The following OR5H15 variants were observed in gnomAD, a reference collection of about 807,000 sequenced individuals.
OR5H15 encodes the protein olfactory receptor 5H15.
For synonymous variants in OR5H15, 153 were observed against 129.1 expected, an observed-to-expected ratio of 1.19 and a Z score of -1.26; for missense variants, 405 against 366.1, an observed-to-expected ratio of 1.11 and a Z score of -0.87.
rs76782258 is a variant in OR5H15 at position 98,167,403 on chromosome 3, T to G, written c.-19+572T>G. Among the ~76,000 whole-genome samples the G allele has an allele frequency of 2.8e-3, 431 of 151,568 alleles. 1 individual carries two copies. Among genetic ancestry groups the G allele is most frequent in the African/African-American group, 9.9e-3 (410 of 41,308 alleles). On this transcript the variant is annotated intron_variant, in intron 1 of 1. Transcript: ENST00000641450. ...TCTCTCTCTCTCTCTCTCTCCATAT[T>G]CCAAATGTAGGATCAGTGTGTTTCA...
At position 98,169,197 on chromosome 3, in the gene OR5H15, A is replaced by G. The variant is rs1473384004; in HGVS notation, c.498A>G (p.Leu166=). The G allele has an allele frequency of 4.3e-6, 7 of 1,612,876 alleles. No homozygotes were observed. Among genetic ancestry groups the G allele is most frequent in the Non-Finnish European group, 5.9e-6 (7 of 1,179,450 alleles). ...TCCATGAAGGATTTTTATTCAGACT[A>G]ACCTTCTGTAACTCCAACATAGTAC... The part of the protein sequence containing the change: ...ALIHEGFLFR[L]TFCNSNIVHH... The change falls in exon 2 of 2, where the codon CTA becomes CTG. Residue 166 remains leucine (L), a synonymous_variant. Transcript: ENST00000641450.
intron 1 of OR5H15, 140 bp from the exon 2 acceptor site, chr3:98,168,542 C>A: frequency 1.0e-5 from 9 of 901,710 alleles, no homozygotes; most frequent in Non-Finnish European, 1.3e-5. Context: ...GCATCAAATA[C>A]ACAATTCATC....
In OR5H15 at chr3:98,168,810, C is replaced by T. The variant is rs200177495; in HGVS notation, c.111C>T (p.Ile37=). 18 of 1,613,534 alleles carry T rather than the reference C, an allele frequency of 1.1e-5. 1 individual carries two copies. In the African/African-American group the frequency reaches 1.2e-4, roughly 11 times the overall value. ...LFLAFLVIYL[I]TIMGNLGLIA... The stretch of plus-strand genomic sequence containing the variant: ...TGGCATTCTTGGTAATATATCTCAT[C>T]ACCATCATGGGGAATCTTGGTCTGA... The change falls in exon 2 of 2, where the codon ATC becomes ATT. Residue 37 remains isoleucine, a synonymous_variant. Coordinates refer to ENST00000641450, the MANE Select transcript of OR5H15 (RefSeq NM_001005515.2).
At position 98,169,743 on chromosome 3, in the gene OR5H15, G is replaced by A. The variant is rs1004952788; in HGVS notation, c.*102G>A. 2.5e-6 allele frequency: 2 copies of A among 801,170 alleles called. No homozygotes were observed. Among genetic ancestry groups the A allele is most frequent in the African/African-American group, 1.7e-5 (1 of 58,956 alleles). The allele number at this position is 801,170 out of a possible 1,614,324, so 49.6% of individuals were successfully genotyped here. On this transcript the variant is annotated 3_prime_UTR_variant, in exon 2 of 2. Transcript: ENST00000641450. ...CATTTTTGCAAGTATAACTGTCCTAGCACTTTAATGACCTAACATTTTAGT... is the reference window on the plus strand; with the variant it reads ...CATTTTTGCAAGTATAACTGTCCTAACACTTTAATGACCTAACATTTTAGT...
chr3:98,169,355 C>T lies in OR5H15; in HGVS notation c.656C>T (p.Thr219Ile), dbSNP rs771244304. 4.3e-6 allele frequency: 7 copies of T among 1,612,962 alleles called. No homozygotes were observed. Among genetic ancestry groups the T allele is most frequent in the East Asian group, 4.5e-5 (2 of 44,784 alleles). The part of the protein sequence containing the change: ...FSIVTILISY[T>I]FVLFTVLEKK... ...ATTGTGACTATTCTTATATCTTACA[C>T]ATTTGTTCTCTTCACAGTCTTAGAA... Residue 219 changes from threonine to isoleucine, a missense_variant, in exon 2 of 2, where the codon ACA (threonine) becomes ATA (isoleucine). Physicochemically the swap from Thr to Ile is moderately conservative, Grantham distance 89. Coordinates refer to ENST00000641450, the MANE Select transcript of OR5H15 (RefSeq NM_001005515.2).
intron 1 of OR5H15, among the ~76,000 whole-genome samples, chr3:98,168,471 C>A (rs1708750931): frequency 6.6e-6 from 1 of 152,006 alleles, no homozygotes; most frequent in Non-Finnish European, 1.5e-5. Context: ...TCTACTTTTA[C>A]CTAAATCAGT....
Position 98,169,089 on chromosome 3 carries a change from A to C in OR5H15, c.390A>C (p.Leu130Phe). Reference sequence around the variant, plus strand: ...GCTATGTAGCCATATGCAAACCTTTACTTTATCCAGCCATTATGACCAATG... The same window carrying C: ...GCTATGTAGCCATATGCAAACCTTTCCTTTATCCAGCCATTATGACCAATG... ...YDRYVAICKP[L>F]LYPAIMTNGL... The change falls in exon 2 of 2, where the codon TTA (leucine) becomes TTC (phenylalanine). Residue 130 changes from leucine (L) to phenylalanine (F), a missense_variant. Leu to Phe is a conservative substitution (Grantham distance 22, BLOSUM62 0). Transcript: ENST00000641450. 1 of 1,613,558 alleles carries C rather than the reference A, an allele frequency of 6.2e-7. No individual in the cohort carries two copies. Among genetic ancestry groups the C allele is most frequent in the South Asian group, 1.1e-5 (1 of 91,054 alleles).
rs1449245927 is a variant in OR5H15, at chr3:98,169,455, T to C, written c.756T>C (p.Tyr252=). The C allele has an allele frequency of 2.5e-6, 4 of 1,613,484 alleles. No individual in the cohort carries two copies. Among genetic ancestry groups the C allele is most frequent in the South Asian group, 1.1e-5 (1 of 91,076 alleles). ...GAHLFSVCLY[Y]GPLLLMYVGP... ...ATCTCTTCTCTGTCTGTTTATACTA[T>C]GGCCCCCTTCTCTTAATGTATGTGG... is the stretch of plus-strand genomic sequence containing the variant. Residue 252 remains tyrosine (Y), a synonymous_variant, in exon 2 of 2, where the codon TAT becomes TAC. Transcript: ENST00000641450.
At position 98,167,670 on chromosome 3, in the gene OR5H15, T is replaced by C. The variant is rs138318311; in HGVS notation, c.-19+839T>C. On this transcript the variant is annotated intron_variant, in intron 1 of 1. Coordinates refer to ENST00000641450, the MANE Select transcript of OR5H15 (RefSeq NM_001005515.2). Reference sequence around the variant, plus strand: ...TTTTTGTTTCTTCATTACTCTCCAATGGATAGATCATTTTTAACTATGCCT... The same window carrying C: ...TTTTTGTTTCTTCATTACTCTCCAACGGATAGATCATTTTTAACTATGCCT... Among the ~76,000 whole-genome samples, 906 of 152,184 alleles carry C rather than the reference T, an allele frequency of 6.0e-3. 9 individuals carry two copies. The highest frequency in any genetic ancestry group is 0.021 in the African/African-American group (877 of 41,536).
In OR5H15 at chr3:98,169,136, T is replaced by G. The variant is rs2107330325; in HGVS notation, c.437T>G (p.Ile146Ser). 3 of 1,613,598 alleles carry G rather than the reference T, an allele frequency of 1.9e-6. No individual in the cohort carries two copies. The highest frequency in any genetic ancestry group is 4.5e-5 in the East Asian group (2 of 44,822). Reference sequence around the variant, plus strand: ...AATGGACTGTGCATCCGGCTATTAATCTTGTCATATATAGCTGGTATTCTT... The same window carrying G: ...AATGGACTGTGCATCCGGCTATTAAGCTTGTCATATATAGCTGGTATTCTT... ...MTNGLCIRLL[I>S]LSYIAGILHA... Residue 146 changes from isoleucine to serine, a missense_variant, in exon 2 of 2, where the codon ATC becomes AGC. Ile to Ser is a moderately radical substitution (Grantham distance 142, BLOSUM62 -2). Coordinates refer to ENST00000641450, the MANE Select transcript of OR5H15 (RefSeq NM_001005515.2).
chr3:98,167,748 C>T (rs9819702), intron 1 of OR5H15, among the ~76,000 whole-genome samples: 50,049 of 151,778 alleles, frequency 0.33, 8,658 homozygotes, highest in Non-Finnish European at 0.36. Context: ...TTAATAGGCT[C>T]ATATTATGAT....
At chr3:98,168,642 A>G (rs1708753988) in intron 1 of OR5H15, 40 bp from the exon 2 acceptor site, 1 of 1,586,354 alleles carries the variant, frequency 6.3e-7, no homozygotes, top group African/African-American at 1.4e-5. Flanking sequence ...TCATAATGTC[A>G]TTGCAAATCT....
Position 98,169,722 on chromosome 3 carries a change from T to C in OR5H15, c.*81T>C, listed in dbSNP as rs1708782067. 1 of 1,034,280 alleles carries C rather than the reference T, an allele frequency of 9.7e-7. No individual in the cohort carries two copies. The highest frequency in any genetic ancestry group is 2.0e-5 in the Admixed American group (1 of 50,762). The allele number at this position is 1,034,280 out of a possible 1,614,324, so 64.1% of individuals were successfully genotyped here. A position where few individuals can be genotyped will look rare whatever the true frequency, so the allele number is the denominator to read the frequency against. Reference sequence around the variant, plus strand: ...ATGTTGTTTCCAGTGTTCAAACATTTTTGCAAGTATAACTGTCCTAGCACT... The same window carrying C: ...ATGTTGTTTCCAGTGTTCAAACATTCTTGCAAGTATAACTGTCCTAGCACT... On this transcript the variant is annotated 3_prime_UTR_variant, in exon 2 of 2. Coordinates refer to ENST00000641450, the MANE Select transcript of OR5H15 (RefSeq NM_001005515.2).
At chr3:98,168,413 A>G (rs1322894901) in intron 1 of OR5H15, among the ~76,000 whole-genome samples, 3 of 152,070 alleles carry the variant, frequency 2.0e-5, no homozygotes, top group Non-Finnish European at 4.4e-5. Flanking sequence ...CAATTTTTCT[A>G]CTGCACTCAA....
chr3:98,168,765 G>C lies in OR5H15; in HGVS notation c.66G>C (p.Gln22His). The C allele has an allele frequency of 6.2e-7, 1 of 1,613,438 alleles. No individual in the cohort carries two copies. The highest frequency in any genetic ancestry group is 1.1e-5 in the South Asian group (1 of 91,064). The change falls in exon 2 of 2, where the codon CAG becomes CAC. Residue 22 changes from glutamine (Q) to histidine (H), a missense_variant. Physicochemically the swap from Gln to His is conservative, Grantham distance 24. Transcript: ENST00000641450. ...FVLTGFLYQP[Q>H]WKIPLFLAFL... Reference sequence around the variant, plus strand: ...TCACAGGATTTTTATATCAACCACAGTGGAAAATACCCCTGTTCTTGGCAT... The same window carrying C: ...TCACAGGATTTTTATATCAACCACACTGGAAAATACCCCTGTTCTTGGCAT...
chr3:98,166,998 C>T (rs1358682450), intron 1 of OR5H15, among the ~76,000 whole-genome samples, 167 bp downstream of exon 1: 2 of 152,020 alleles, frequency 1.3e-5, no homozygotes, highest in African/African-American at 4.8e-5. Flanking sequence ...ACGACTATAA[C>T]ATAGATACGG....
Position 98,169,008 on chromosome 3 carries a change from C to G in OR5H15, c.309C>G (p.Ser103=). The stretch of plus-strand genomic sequence containing the variant: ...CTGAATGCAAGATACAATTTTTTTC[C>G]ATTGCAATTGGCGTAACCACAGAAT... The part of the protein sequence containing the change: ...SLSECKIQFF[S]IAIGVTTECF... The change falls in exon 2 of 2, where the codon TCC becomes TCG. Residue 103 remains serine (S), a synonymous_variant. Transcript: ENST00000641450. 6.2e-7 allele frequency: 1 copy of G among 1,613,538 alleles called. No homozygotes were observed. The highest frequency in any genetic ancestry group is 8.5e-7 in the Non-Finnish European group (1 of 1,179,626).
At position 98,169,288 on chromosome 3, in the gene OR5H15, C is replaced by A. The variant is rs774629752; in HGVS notation, c.589C>A (p.Leu197Ile). ...ISCTDSSINFLMVFIFSGSIQ... is the reference protein window; with the variant it reads ...ISCTDSSINFIMVFIFSGSIQ... ...TTGTACTGATTCTTCTATTAATTTT[C>A]TAATGGTTTTTATTTTCTCAGGTTC... Residue 197 changes from leucine (L) to isoleucine (I), a missense_variant, in exon 2 of 2, where the codon CTA (leucine) becomes ATA (isoleucine). Leu to Ile is a conservative substitution (Grantham distance 5). Transcript: ENST00000641450. 14 of 1,610,092 alleles carry A rather than the reference C, an allele frequency of 8.7e-6. No individual in the cohort carries two copies. Among genetic ancestry groups the A allele is most frequent in the Non-Finnish European group, 1.2e-5 (14 of 1,177,400 alleles).
At position 98,168,927 on chromosome 3, in the gene OR5H15, A is replaced by G. The variant is rs1228382966; in HGVS notation, c.228A>G (p.Thr76=). Reference sequence around the variant, plus strand: ...TTGTGGATGCTTGGATATCATCCACAGTGACCCCAAAGATGCTGAATAACT... The same window carrying G: ...TTGTGGATGCTTGGATATCATCCACGGTGACCCCAAAGATGCTGAATAACT... ...LAFVDAWISS[T]VTPKMLNNFL... is the part of the protein sequence containing the mutation. The change falls in exon 2 of 2, where the codon ACA becomes ACG. Residue 76 remains threonine (T), a synonymous_variant. Transcript: ENST00000641450. The G allele has an allele frequency of 6.2e-7, 1 of 1,613,522 alleles. No homozygotes were observed. The highest frequency in any genetic ancestry group is 8.5e-7 in the Non-Finnish European group (1 of 1,179,578).
Sources: gnomAD v4.1 joint callset for allele counts (sites outside exome capture counted in the v4.1 genomes callset) on GRCh38, gnomAD v4.1.1 for gene constraint, MANE v1.5 for transcripts, NCBI Gene and HGNC (gene_info 2026-07-23, HGNC 2026-07-21) for gene names.